Variants in ASIC2 observed in about 807,000 individuals in gnomAD.
The protein encoded by ASIC2 is acid-sensing ion channel 2.
Under a neutral mutation model 57.3 loss-of-function variants are expected in ASIC2, and 25 were observed. The ratio of observed to expected loss-of-function variants is 0.44; its 90% confidence interval spans 0.32 to 0.61. The LOEUF (loss-of-function observed/expected upper bound fraction) is 0.61, where lower values mean the gene tolerates loss of function less well. ASIC2 is among the 20% of genes least tolerant of loss of function. The pLI, the probability that ASIC2 is intolerant of heterozygous loss-of-function variation, is 0.06. For synonymous variants in ASIC2, 319 were observed against 307.5 expected (o/e 1.04, Z -0.39); for missense variants, 641 against 738.1 (o/e 0.87, Z 1.52).
At chr17:33,298,933 TAAAAG>T (rs1644506064) in intron 1 of ASIC2, among the ~76,000 whole-genome samples, 1 of 152,034 alleles carries the variant, frequency 6.6e-6, no homozygotes, top group African/African-American at 2.4e-5. Context: ...CTCAACGAAA[TAAAAG>T]AGGACACAAA....
At chr17:34,014,969 C>T (rs1025454797) in intron 1 of ASIC2, among the ~76,000 whole-genome samples, 11 of 151,508 alleles carry the variant, frequency 7.3e-5, no homozygotes, top group African/African-American at 2.2e-4. Flanking sequence ...ACTGAATCCT[C>T]GACCTCACAG....
intron 1 of ASIC2, among the ~76,000 whole-genome samples, chr17:33,644,557 T>C (rs1461072115): frequency 1.3e-5 from 2 of 152,230 alleles, no homozygotes; most frequent in Non-Finnish European, 2.9e-5. Context: ...ACTGAAGGAA[T>C]GTCTCACAGA....
rs537416811 is a variant in ASIC2, at chr17:33,506,126, G to T, written c.556-394059C>A. Among the ~76,000 whole-genome samples the T allele has an allele frequency of 1.1e-4, 16 of 152,106 alleles. No individual in the cohort carries two copies. In the South Asian group the frequency reaches 2.7e-3, roughly 26 times the overall value. On this transcript the variant is annotated intron_variant, in intron 1 of 9. Transcript: ENST00000359872. ...TGAGGCTGGACAGGCTGGGTGTGGT[G>T]GCTCACGCCTGTAATCCCAGCACTT...
intron 1 of ASIC2, chr17:33,692,603 C>T (rs566114066): frequency 1.8e-4 from 27 of 152,258 alleles, no homozygotes; most frequent in African/African-American, 6.3e-4. Flanking sequence ...AACCAGTACA[C>T]CTGTATAGGG....
intron 1 of ASIC2, among the ~76,000 whole-genome samples, chr17:33,353,141 T>C (rs562567088): frequency 1.3e-5 from 2 of 152,296 alleles, no homozygotes; most frequent in Admixed American, 1.3e-4. Flanking sequence ...AAATCTATAA[T>C]ATTCAATCTC....
rs116292536 is a variant in ASIC2, at chr17:34,137,160, T to C, written c.555+18818A>G. Among the ~76,000 whole-genome samples, 855 of 152,340 alleles carry C rather than the reference T, an allele frequency of 5.6e-3. 8 individuals carry two copies. The highest frequency in any genetic ancestry group is 0.019 in the African/African-American group (805 of 41,580). On this transcript the variant is annotated intron_variant, in intron 1 of 9. Coordinates refer to the ASIC2 transcript ENST00000359872. ...AGTTCTAATTAAAATTATTTGTTTGTATATCTGTAACCTTCTAAAAATATG... is the reference window on the plus strand; with the variant it reads ...AGTTCTAATTAAAATTATTTGTTTGCATATCTGTAACCTTCTAAAAATATG...
rs148329020 is a variant in ASIC2 at position 33,014,102 on chromosome 17, C to T, written c.1591-36G>A. ...AGGGTTGGTGGGAGTTTATTATTCG[C>T]TCAGCAAAAATTCTTCATGATGCCA... On this transcript the variant is annotated intron_variant, in intron 9 of 9. Coordinates refer to ENST00000225823, the MANE Select transcript of ASIC2 (RefSeq NM_183377.2). The T allele has an allele frequency of 4.9e-4, 740 of 1,520,484 alleles. 5 individuals are homozygous for T. The African/African-American group carries it at 5.5e-3, about 11-fold the overall frequency. The allele number at this position is 1,520,484 out of a possible 1,614,324, so 94.2% of individuals were successfully genotyped here.
chr17:34,039,840 T>A (rs1399419938), intron 1 of ASIC2: 11 of 1,606,892 alleles, frequency 6.8e-6, no homozygotes, highest in Admixed American at 1.7e-5. Flanking sequence ...ATTTCTGCCG[T>A]CGTGGGTCCA....
intron 1 of ASIC2, among the ~76,000 whole-genome samples, chr17:33,438,705 G>A (rs1327341712): frequency 6.6e-6 from 1 of 152,018 alleles, no homozygotes; most frequent in Non-Finnish European, 1.5e-5. Context: ...TATAAAAGCT[G>A]AACAGGACAA....
intron 1 of ASIC2, among the ~76,000 whole-genome samples, chr17:33,438,228 C>G (rs747488302): frequency 1.3e-5 from 2 of 152,198 alleles, no homozygotes; most frequent in African/African-American, 4.8e-5. Flanking sequence ...GGTTCAGCTT[C>G]AAGCTTCCTT....
chr17:33,607,881 C>T (rs1905268727), intron 1 of ASIC2, among the ~76,000 whole-genome samples: 1 of 152,134 alleles, frequency 6.6e-6, no homozygotes. Flanking sequence ...CTAATAGGAA[C>T]TTCTGGAGGG....
chr17:34,150,479 A>T (rs1323164590), intron 1 of ASIC2, among the ~76,000 whole-genome samples: 1 of 152,224 alleles, frequency 6.6e-6, no homozygotes, highest in Non-Finnish European at 1.5e-5. Flanking sequence ...CAATGTATAC[A>T]TACTTCAAAG....
chr17:33,564,190 CTCTG>C (rs1354518122), intron 1 of ASIC2, among the ~76,000 whole-genome samples: 8 of 152,210 alleles, frequency 5.3e-5, no homozygotes, highest in Non-Finnish European at 8.8e-5. Context: ...ACTGCCTTGT[CTCTG>C]TCTGTCTTCC....
chr17:34,117,825 G>A (rs1421995823), intron 1 of ASIC2, among the ~76,000 whole-genome samples: 1 of 152,152 alleles, frequency 6.6e-6, no homozygotes, highest in Non-Finnish European at 1.5e-5. Context: ...CATTAACCAA[G>A]ATTGAGAAAA....
chr17:33,829,233 G>C (rs1429558000), intron 1 of ASIC2, among the ~76,000 whole-genome samples: 1 of 152,204 alleles, frequency 6.6e-6, no homozygotes, highest in Non-Finnish European at 1.5e-5. Flanking sequence ...CAGAAAAGCA[G>C]ACCATTCACT....
intron 3 of ASIC2, among the ~76,000 whole-genome samples, chr17:33,029,802 T>C (rs1370620331): frequency 3.9e-5 from 6 of 152,262 alleles, no homozygotes; most frequent in African/African-American, 1.4e-4. Context: ...CTGGACTTCG[T>C]CCACCTTTTT....
At chr17:33,249,889 C>T (rs757264104) in intron 1 of ASIC2, among the ~76,000 whole-genome samples, 29 of 152,150 alleles carry the variant, frequency 1.9e-4, no homozygotes, top group Non-Finnish European at 3.2e-4. Flanking sequence ...GGCCTGTTAG[C>T]TAGGGAGTTG....
chr17:33,876,848 C>G lies in ASIC2; in HGVS notation c.555+279130G>C, dbSNP rs78259449. Reference sequence around the variant, plus strand: ...TCCAGCTGAGAACTTCAGCTTCCCTCGAAATGTTCCTGTCACCCAGGAACC... The same window carrying G: ...TCCAGCTGAGAACTTCAGCTTCCCTGGAAATGTTCCTGTCACCCAGGAACC... On this transcript the variant is annotated intron_variant, in intron 1 of 9. Coordinates refer to the ASIC2 transcript ENST00000359872. Among the ~76,000 whole-genome samples the G allele has an allele frequency of 8.0e-3, 1,218 of 152,260 alleles. 21 individuals carry two copies. The highest frequency in any genetic ancestry group is 0.028 in the African/African-American group (1,159 of 41,546).
At chr17:33,580,107 A>C (rs901828003) in intron 1 of ASIC2, 5 of 152,166 alleles carry the variant, frequency 3.3e-5, no homozygotes, top group Admixed American at 2.0e-4. Flanking sequence ...TCTTATTAAC[A>C]TCCTGAACTC....
Sources: allele counts gnomAD v4.1 joint callset (sites outside exome capture counted in the v4.1 genomes callset), GRCh38; gene constraint gnomAD v4.1.1; transcripts MANE v1.5; gene names NCBI Gene and HGNC (gene_info 2026-07-23, HGNC 2026-07-21).